The following CDH4 variants were observed in gnomAD, a reference collection of about 807,000 sequenced individuals.
CDH4 encodes the protein cadherin 4, also known as cadherin-4.
In CDH4, 33 loss-of-function variants were observed where a neutral mutation model predicts 86.0. The ratio of observed to expected loss-of-function variants is 0.38; its 90% CI spans 0.29 to 0.51. The LOEUF (loss-of-function observed/expected upper bound fraction) is 0.51. Ranked by LOEUF, CDH4 falls within the 20% of genes least tolerant of loss-of-function variation. The pLI, the probability that CDH4 is intolerant of heterozygous loss-of-function variation, is 0.86. For missense variants in CDH4, 1,114 were observed against 1,307.4 expected (o/e 0.85, Z 2.28); for synonymous variants, 555 against 549.4 (o/e 1.01, Z -0.14).
At chr20:61,759,982 G>A (rs564604168) in intron 3 of CDH4, among the ~76,000 whole-genome samples, 5 of 152,310 alleles carry the variant, frequency 3.3e-5, no homozygotes, top group South Asian at 2.1e-4. Flanking sequence ...TCACAAGCTC[G>A]GTAGCTTGTC....
At chr20:61,935,897 A>AAAAT (rs539646863) in intron 15 of CDH4, among the ~76,000 whole-genome samples, 3 of 152,198 alleles carry the variant, frequency 2.0e-5, no homozygotes, top group East Asian at 1.9e-4. Flanking sequence ...GAAAAATCTA[A>AAAAT]AAATAAATAA....
intron 3 of CDH4, among the ~76,000 whole-genome samples, chr20:61,752,532 C>A (rs1466824490): frequency 6.6e-6 from 1 of 152,110 alleles, no homozygotes; most frequent in Non-Finnish European, 1.5e-5. Context: ...GGTGTATGCC[C>A]ATAGCAGTAT....
chr20:61,370,791 A>G (rs2084835827), intron 2 of CDH4: 1 of 152,244 alleles, frequency 6.6e-6, no homozygotes, highest in Non-Finnish European at 1.5e-5. Context: ...AAATGACTAT[A>G]TAAAACTTGG....
In CDH4 at chr20:61,854,737, C is replaced by G. The variant is rs142120322; in HGVS notation, c.877+1839C>G. Among the ~76,000 whole-genome samples, 674 of 141,712 alleles carry G rather than the reference C, an allele frequency of 4.8e-3. 8 individuals carry two copies. Among genetic ancestry groups the G allele is most frequent in the African/African-American group, 0.017 (633 of 36,874 alleles). 93.0% of individuals were successfully genotyped at this position (141,712 alleles called of 152,430 possible). A position where few individuals can be genotyped will look rare whatever the true frequency, so the allele number is the denominator to read the frequency against. On this transcript the variant is annotated intron_variant, in intron 6 of 15. Coordinates refer to ENST00000614565, the MANE Select transcript of CDH4 (RefSeq NM_001794.5). ...GAACAGGGTGAATTGTGCCCTTGGTCCGTCCCCAGGGCTGTAGTGTGAACA... is the reference window on the plus strand; with the variant it reads ...GAACAGGGTGAATTGTGCCCTTGGTGCGTCCCCAGGGCTGTAGTGTGAACA...
At chr20:61,617,907 T>C (rs1028082712) in intron 2 of CDH4, among the ~76,000 whole-genome samples, 3 of 152,186 alleles carry the variant, frequency 2.0e-5, no homozygotes, top group Non-Finnish European at 4.4e-5. Context: ...AGGCGGTTTC[T>C]CCCATGCTGT....
chr20:61,636,407 T>G (rs2086946991), intron 2 of CDH4, among the ~76,000 whole-genome samples: 1 of 152,256 alleles, frequency 6.6e-6, no homozygotes. Flanking sequence ...AGAGACCTGC[T>G]AGGGCTCTTG....
intron 2 of CDH4, among the ~76,000 whole-genome samples, chr20:61,636,363 A>C (rs1179689070): frequency 6.6e-6 from 1 of 152,260 alleles, no homozygotes; most frequent in Non-Finnish European, 1.5e-5. Flanking sequence ...AATCATTAAA[A>C]ATGAAAGAGA....
intron 8 of CDH4, among the ~76,000 whole-genome samples, chr20:61,904,725 C>T (rs2054770151): frequency 6.6e-6 from 1 of 152,268 alleles, no homozygotes; most frequent in Non-Finnish European, 1.5e-5. Context: ...TTCCCTCCCA[C>T]TGCCTCCCAC....
intron 4 of CDH4, among the ~76,000 whole-genome samples, chr20:61,825,460 C>T (rs1335700003): frequency 6.6e-6 from 1 of 152,156 alleles, no homozygotes; most frequent in Non-Finnish European, 1.5e-5. Context: ...GTCTCTAGCT[C>T]TTGCCCCAAC....
chr20:61,802,916 G>A (rs567610871), intron 4 of CDH4, among the ~76,000 whole-genome samples: 41 of 152,318 alleles, frequency 2.7e-4, no homozygotes, highest in African/African-American at 8.9e-4. Context: ...GCTGGCTCTC[G>A]CTGGAGGGGC....
At chr20:61,345,791 A>G (rs1437904585) in intron 2 of CDH4, among the ~76,000 whole-genome samples, 2 of 152,172 alleles carry the variant, frequency 1.3e-5, no homozygotes, top group Non-Finnish European at 2.9e-5. Flanking sequence ...TTGTGCTTCC[A>G]GGTTACAAAC....
intron 2 of CDH4, among the ~76,000 whole-genome samples, chr20:61,672,721 CAG>C (rs1392064466): frequency 6.6e-6 from 1 of 152,058 alleles, no homozygotes; most frequent in Non-Finnish European, 1.5e-5. Flanking sequence ...GGGTCACTGG[CAG>C]AGACTGGAAT....
At chr20:61,712,968 C>T (rs574908255) in intron 2 of CDH4, among the ~76,000 whole-genome samples, 1 of 152,270 alleles carries the variant, frequency 6.6e-6, no homozygotes, top group East Asian at 1.9e-4. Context: ...TTTGCCAGGA[C>T]ACTGGGGATG....
At chr20:61,786,993 T>A (rs1379201479) in intron 4 of CDH4, among the ~76,000 whole-genome samples, 1 of 152,246 alleles carries the variant, frequency 6.6e-6, no homozygotes, top group East Asian at 1.9e-4. Context: ...TGGAAAGAGA[T>A]GTCCTTCATT....
chr20:61,724,654 AGC>A (rs2088088886), intron 2 of CDH4, among the ~76,000 whole-genome samples: 1 of 152,226 alleles, frequency 6.6e-6, no homozygotes, highest in Non-Finnish European at 1.5e-5. Flanking sequence ...ACTTGGGGGC[AGC>A]AGTCAAGATG....
At chr20:61,488,033 G>C (rs936815743) in intron 2 of CDH4, among the ~76,000 whole-genome samples, 1 of 152,222 alleles carries the variant, frequency 6.6e-6, no homozygotes, top group South Asian at 2.1e-4. Context: ...GATTCTGTGG[G>C]AGGAGAAGGG....
At chr20:61,638,902 T>C (rs1431787508) in intron 2 of CDH4, among the ~76,000 whole-genome samples, 1 of 152,076 alleles carries the variant, frequency 6.6e-6, no homozygotes, top group African/African-American at 2.4e-5. Context: ...GGGTAGGGAA[T>C]TGAAGCCAAC....
chr20:61,272,478 G>A (rs2084188516), intron 2 of CDH4, among the ~76,000 whole-genome samples: 1 of 152,132 alleles, frequency 6.6e-6, no homozygotes, highest in Non-Finnish European at 1.5e-5. Context: ...TTGTCTTATT[G>A]CATTTCTCCC....
At chr20:61,717,713 C>T (rs2087976993) in intron 2 of CDH4, 1 of 152,266 alleles carries the variant, frequency 6.6e-6, no homozygotes, top group African/African-American at 2.4e-5. Flanking sequence ...TCTCGAACTC[C>T]TGACCTTAAG....
Sources: allele counts gnomAD v4.1 joint callset (sites outside exome capture counted in the v4.1 genomes callset), GRCh38; gene constraint gnomAD v4.1.1; transcripts MANE v1.5; gene names NCBI Gene and HGNC (gene_info 2026-07-23, HGNC 2026-07-21).